Variants in SAP30BP observed in about 807,000 individuals in gnomAD.
The protein encoded by SAP30BP is SAP30 binding protein.
A neutral mutation model predicts 46.3 loss-of-function variants in SAP30BP; 31 were observed. That is an observed-to-expected ratio of 0.67 (90% CI 0.50 to 0.90). The LOEUF (loss-of-function observed/expected upper bound fraction) is 0.90, where lower values mean the gene tolerates loss of function less well. Among genes scored for constraint, SAP30BP ranks in the 40% least tolerant of loss-of-function variants. The pLI, the probability that SAP30BP is intolerant of heterozygous loss-of-function variation, is 0.00. For missense variants in SAP30BP, 312 were observed against 391.0 expected, an observed-to-expected ratio of 0.80 and a Z score of 1.70; for synonymous variants, 169 against 144.2, an observed-to-expected ratio of 1.17 and a Z score of -1.23.
intron 9 of SAP30BP, chr17:75,705,571 T>C: frequency 3.0e-6 from 3 of 987,346 alleles, no homozygotes; most frequent in Non-Finnish European, 3.7e-6. Flanking sequence ...CTTGATTGAA[T>C]CTCCCTTCTC....
At chr17:75,673,612 AAC>A (rs1484565927) in intron 3 of SAP30BP, among the ~76,000 whole-genome samples, 1 of 152,188 alleles carries the variant, frequency 6.6e-6, no homozygotes, top group African/African-American at 2.4e-5. Flanking sequence ...GAGGGTACAT[AAC>A]ACTTAACGGT....
chr17:75,683,046 A>ATT (rs773958182), intron 3 of SAP30BP, among the ~76,000 whole-genome samples: 839 of 45,994 alleles, frequency 0.018, 5 homozygotes, highest in South Asian at 0.062. Context: ...TTATTTATTT[A>ATT]TTTATTTATT....
At position 75,671,870 on chromosome 17, in the gene SAP30BP, GGTGTT is replaced by G. The variant is rs747151822; in HGVS notation, c.264+9_264+13del. The G allele has an allele frequency of 1.3e-5, 21 of 1,612,410 alleles. No individual in the cohort carries two copies. Among genetic ancestry groups the G allele is most frequent in the Non-Finnish European group, 1.8e-5 (21 of 1,178,470 alleles). ...TGAGGCTGATGACCCAAAGGTATTTGGTGTTGGCTGTGGTGGGTGGCTGGATGCAA... is the reference window on the plus strand; with the variant it reads ...TGAGGCTGATGACCCAAAGGTATTTGGGCTGTGGTGGGTGGCTGGATGCAA... On this transcript the variant is annotated splice_region_variant and intron_variant, in intron 3 of 10. Coordinates refer to ENST00000584667, the MANE Select transcript of SAP30BP (RefSeq NM_013260.8).
intron 4 of SAP30BP, among the ~76,000 whole-genome samples, chr17:75,697,477 G>A (rs1659774670): frequency 6.6e-6 from 1 of 152,216 alleles, no homozygotes; most frequent in African/African-American, 2.4e-5. Flanking sequence ...GGAGACCAAA[G>A]GAAGGTGCTG....
rs1243852135 is a variant in SAP30BP at position 75,690,780 on chromosome 17, C to T, written c.265-2660C>T. 3 of 456,328 alleles carry T rather than the reference C, an allele frequency of 6.6e-6. No individual in the cohort carries two copies. In the East Asian group the frequency reaches 2.1e-4, roughly 32 times the overall value. 28.3% of individuals were successfully genotyped at this position (456,328 alleles called of 1,614,324 possible). A position where few individuals can be genotyped will look rare whatever the true frequency, so the allele number is the denominator to read the frequency against. Reference sequence around the variant, plus strand: ...CATTCTAAACATGATAAGGTATAGCCAGCAGGAGGCAGATTCCCAGATTGA... The same window carrying T: ...CATTCTAAACATGATAAGGTATAGCTAGCAGGAGGCAGATTCCCAGATTGA... On this transcript the variant is annotated intron_variant, in intron 3 of 10. Coordinates refer to ENST00000584667, the MANE Select transcript of SAP30BP (RefSeq NM_013260.8).
In SAP30BP at chr17:75,703,342, A is replaced by G. The variant is rs768984932; in HGVS notation, c.520A>G (p.Ile174Val). The G allele has an allele frequency of 1.2e-6, 2 of 1,614,034 alleles. No individual in the cohort carries two copies. Among genetic ancestry groups the G allele is most frequent in the African/African-American group, 1.3e-5 (1 of 74,950 alleles). ...CGAGAAGCTGATCCAGTTCTGTGCCATTGACGAGCTTGGCACCAACTACCC... is the reference window on the plus strand; with the variant it reads ...CGAGAAGCTGATCCAGTTCTGTGCCGTTGACGAGCTTGGCACCAACTACCC... ...IYEKLIQFCA[I>V]DELGTNYPKD... The change falls in exon 7 of 11, where the codon ATT becomes GTT. Residue 174 changes from isoleucine (I) to valine (V), a missense_variant. Coordinates refer to ENST00000584667, the MANE Select transcript of SAP30BP (RefSeq NM_013260.8).
chr17:75,667,551 A>C, intron 1 of SAP30BP, 73 bp downstream of exon 1: 9 of 1,403,948 alleles, frequency 6.4e-6, no homozygotes, highest in Non-Finnish European at 9.0e-6. Flanking sequence ...GCTGGGCGGG[A>C]GGGAACAAGA....
At chr17:75,694,421 T>G (rs2060284660) in intron 4 of SAP30BP, among the ~76,000 whole-genome samples, 1 of 152,214 alleles carries the variant, frequency 6.6e-6, no homozygotes, top group Non-Finnish European at 1.5e-5. Context: ...GGGAACACGG[T>G]AACGCTGAGC....
In SAP30BP at chr17:75,668,560, T is replaced by A; in HGVS notation, c.151T>A (p.Phe51Ile). ...ATCTGATGCCTATGGGGAGGATGAC[T>A]TTTCTCGTCTAGGGGGTGATGAAGA... is the stretch of plus-strand genomic sequence containing the variant. ...LVSDAYGEDD[F>I]SRLGGDEDGY... The change falls in exon 2 of 11, where the codon TTT (phenylalanine) becomes ATT (isoleucine). Residue 51 changes from phenylalanine to isoleucine, a missense_variant. By Grantham distance (21) the Phe-to-Ile change is conservative. This residue lies in a region of SAP30BP where 296 missense variants were observed against 346.6 expected (regional missense o/e 0.85). Coordinates refer to ENST00000584667, the MANE Select transcript of SAP30BP (RefSeq NM_013260.8). The A allele has an allele frequency of 6.2e-7, 1 of 1,605,868 alleles. No homozygotes were observed. The highest frequency in any genetic ancestry group is 8.5e-7 in the Non-Finnish European group (1 of 1,176,858).
At chr17:75,674,095 G>A (rs1168786614) in intron 3 of SAP30BP, among the ~76,000 whole-genome samples, 2 of 152,004 alleles carry the variant, frequency 1.3e-5, no homozygotes, top group Non-Finnish European at 2.9e-5. Context: ...AATCCCCAGT[G>A]GCTGCCAGGC....
intron 3 of SAP30BP, among the ~76,000 whole-genome samples, chr17:75,676,846 T>C (rs551199878): frequency 4.6e-5 from 7 of 152,326 alleles, no homozygotes; most frequent in South Asian, 4.1e-4. Flanking sequence ...TAGGTATGTA[T>C]GTATAGGAAA....
intron 3 of SAP30BP, among the ~76,000 whole-genome samples, chr17:75,677,496 A>G (rs1211857913): frequency 6.9e-6 from 1 of 145,444 alleles, no homozygotes; most frequent in Non-Finnish European, 1.5e-5. Flanking sequence ...GCAGTGGCGC[A>G]ATCTCAGCTC....
chr17:75,704,393 T>C (rs955870723), intron 8 of SAP30BP, among the ~76,000 whole-genome samples: 4 of 152,254 alleles, frequency 2.6e-5, no homozygotes, highest in Admixed American at 2.0e-4. Context: ...TTGGCCTTCA[T>C]GAATTTTGTC....
chr17:75,693,619 G>A (rs2060271808), intron 4 of SAP30BP, 137 bp downstream of exon 4: 2 of 686,534 alleles, frequency 2.9e-6, no homozygotes, highest in South Asian at 4.0e-5. Context: ...CCCTCTCAGG[G>A]CTTTGGCATT....
At chr17:75,682,786 AC>A (rs111389196) in intron 3 of SAP30BP, among the ~76,000 whole-genome samples, 26,710 of 150,712 alleles carry the variant, frequency 0.18, 4,244 homozygotes, top group East Asian at 0.4. Flanking sequence ...ACATAGTGAA[AC>A]CCCCATCTCT....
intron 7 of SAP30BP, 136 bp from the exon 8 acceptor site, chr17:75,703,672 T>G: frequency 1.2e-6 from 1 of 812,280 alleles, no homozygotes; most frequent in Non-Finnish European, 2.1e-6. Flanking sequence ...AGCCGCCCCT[T>G]GGCTAAAGAC....
chr17:75,682,580 A>G (rs995053562), intron 3 of SAP30BP, among the ~76,000 whole-genome samples: 6 of 152,170 alleles, frequency 3.9e-5, no homozygotes, highest in Admixed American at 6.5e-5. Context: ...GTCTCTATCT[A>G]TATATAAACA....
rs117724185 is a variant in SAP30BP, at chr17:75,685,480, G to A, written c.265-7960G>A. Among the ~76,000 whole-genome samples the A allele has an allele frequency of 1.1e-3, 168 of 152,128 alleles. 1 individual carries two copies. In the Middle Eastern group the frequency reaches 0.02, roughly 18 times the overall value. ...TAAGTAACTCAGTCCCCTTCCTACC[G>A]GTGTCGATGATGACCAGTTTGCATT... On this transcript the variant is annotated intron_variant, in intron 3 of 10. Coordinates refer to ENST00000584667, the MANE Select transcript of SAP30BP (RefSeq NM_013260.8).
At position 75,706,323 on chromosome 17, in the gene SAP30BP, T is replaced by C. The variant is rs1018992367; in HGVS notation, c.746-17T>C. On this transcript the variant is annotated splice_polypyrimidine_tract_variant and intron_variant, in intron 10 of 10. Transcript: ENST00000584667. The surrounding 1 kb of genome is among the most constrained non-coding windows in gnomAD (Gnocchi z 4.6). ...CTCATTGGTGGATCGTGATCCTGAT[T>C]TCTGCTTTATCTCCAGATGCTCAGA... The C allele has an allele frequency of 8.4e-5, 136 of 1,610,366 alleles. No homozygotes were observed. Among genetic ancestry groups the C allele is most frequent in the Non-Finnish European group, 1.1e-4 (132 of 1,179,004 alleles).
Sources: allele counts gnomAD v4.1 joint callset (sites outside exome capture counted in the v4.1 genomes callset), GRCh38; gene constraint gnomAD v4.1.1; regional missense constraint gnomAD v4.1.1; non-coding constraint Gnocchi (gnomAD v3.1); transcripts MANE v1.5; gene names NCBI Gene and HGNC (gene_info 2026-07-23, HGNC 2026-07-21).